The following KLHDC1 variants were observed in gnomAD, a reference collection of about 807,000 sequenced individuals.
KLHDC1 encodes the protein kelch domain containing 1.
KLHDC1 carries 53 observed loss-of-function variants against 68.3 expected under a neutral mutation model. The ratio of observed to expected loss-of-function variants is 0.78; its 90% CI spans 0.62 to 0.98. The LOEUF is 0.98. Among genes scored for constraint, KLHDC1 ranks in the 50% least tolerant of loss-of-function variants. The pLI is 0.00. For missense variants in KLHDC1, 470 were observed against 492.3 expected, an observed-to-expected ratio of 0.95 and a Z score of 0.43; for synonymous variants, 148 against 159.0, an observed-to-expected ratio of 0.93 and a Z score of 0.52.
intron 1 of KLHDC1, among the ~76,000 whole-genome samples, chr14:49,693,880 A>G (rs1887655654): frequency 6.7e-6 from 1 of 149,814 alleles, no homozygotes; most frequent in African/African-American, 2.5e-5. Context: ...CAGCCTCCCT[A>G]GTAGCTGGGC....
intron 1 of KLHDC1, chr14:49,708,501 A>G (rs1004687488): frequency 1.2e-4 from 19 of 152,222 alleles, no homozygotes; most frequent in African/African-American, 4.6e-4. Flanking sequence ...TAAGATTGTT[A>G]TACAAGTCTT....
intron 1 of KLHDC1, among the ~76,000 whole-genome samples, chr14:49,703,902 T>C: frequency 6.7e-6 from 1 of 150,066 alleles, no homozygotes. Context: ...TTTGCTATTG[T>C]AAGCATTCTT....
At chr14:49,742,361 A>G (rs1431552175) in intron 11 of KLHDC1, among the ~76,000 whole-genome samples, 1 of 152,320 alleles carries the variant, frequency 6.6e-6, no homozygotes, top group South Asian at 2.1e-4. Context: ...CCAGATCTTG[A>G]CTTTCAAATT....
intron 1 of KLHDC1, among the ~76,000 whole-genome samples, chr14:49,694,832 C>A (rs1257734561): frequency 6.6e-6 from 1 of 152,134 alleles, no homozygotes; most frequent in East Asian, 1.9e-4. Context: ...CCAGCCTGGG[C>A]GACAGAGCGA....
chr14:49,697,443 T>C (rs1308607641), intron 1 of KLHDC1, among the ~76,000 whole-genome samples: 1 of 152,028 alleles, frequency 6.6e-6, no homozygotes, highest in East Asian at 1.9e-4. Flanking sequence ...ATAACAGATA[T>C]AATAATAATA....
At position 49,728,106 on chromosome 14, in the gene KLHDC1, G is replaced by A. The variant is rs565161331; in HGVS notation, c.568-820G>A. On this transcript the variant is annotated intron_variant, in intron 6 of 12. Coordinates refer to ENST00000359332, the MANE Select transcript of KLHDC1 (RefSeq NM_172193.3). ...GGAGGTTGAGGCAGGCAGATCGCTC[G>A]AGGCCAGGAGGTTTGAGACCAGCCT... Among the ~76,000 whole-genome samples, 69 of 152,162 alleles carry A rather than the reference G, an allele frequency of 4.5e-4. No homozygotes were observed. In the Middle Eastern group the frequency reaches 0.014, roughly 30 times the overall value.
At chr14:49,733,675 C>T (rs867957119) in intron 9 of KLHDC1, among the ~76,000 whole-genome samples, 13 of 152,234 alleles carry the variant, frequency 8.5e-5, no homozygotes, top group South Asian at 8.3e-4. Context: ...CCCGCCTCAG[C>T]CTCCCAAAGT....
At chr14:49,706,198 G>A (rs770885732) in intron 1 of KLHDC1, among the ~76,000 whole-genome samples, 6 of 151,924 alleles carry the variant, frequency 3.9e-5, no homozygotes, top group Non-Finnish European at 5.9e-5. Flanking sequence ...GAGGTCAATT[G>A]TTTTGATTTT....
intron 4 of KLHDC1, among the ~76,000 whole-genome samples, chr14:49,712,898 C>T (rs1325455927): frequency 2.6e-5 from 4 of 151,804 alleles, no homozygotes; most frequent in African/African-American, 4.8e-5. Flanking sequence ...CCTTGGCCTC[C>T]GAAAGTGCTG....
At chr14:49,720,178 G>A (rs893601288) in intron 4 of KLHDC1, among the ~76,000 whole-genome samples, 1 of 152,064 alleles carries the variant, frequency 6.6e-6, no homozygotes, top group Non-Finnish European at 1.5e-5. Context: ...TACAGATGGG[G>A]TTTCTCCATG....
At chr14:49,698,462 A>C (rs1476673080) in intron 1 of KLHDC1, among the ~76,000 whole-genome samples, 2 of 151,526 alleles carry the variant, frequency 1.3e-5, no homozygotes, top group Admixed American at 6.6e-5. Flanking sequence ...TCAGCCTCCC[A>C]AAGTGCTGGG....
chr14:49,725,460 A>G, intron 5 of KLHDC1: 1 of 371,204 alleles, frequency 2.7e-6, no homozygotes, highest in Middle Eastern at 7.6e-4. Context: ...ATTATGATTC[A>G]CTGCAAACAA....
At chr14:49,728,781 A>C in intron 6 of KLHDC1, 145 bp from the exon 7 acceptor site, 1 of 659,868 alleles carries the variant, frequency 1.5e-6, no homozygotes, top group Non-Finnish European at 2.7e-6. Flanking sequence ...TACTATTTAG[A>C]ATAAACTTTT....
At chr14:49,730,222 G>GT (rs11340525) in intron 8 of KLHDC1, among the ~76,000 whole-genome samples, 1,736 of 98,922 alleles carry the variant, frequency 0.018, 52 homozygotes, top group African/African-American at 0.054. Context: ...ATATTTGCAG[G>GT]TTTTTTTTTT....
At chr14:49,698,935 C>T (rs1887821305) in intron 1 of KLHDC1, among the ~76,000 whole-genome samples, 1 of 151,598 alleles carries the variant, frequency 6.6e-6, no homozygotes, top group Non-Finnish European at 1.5e-5. Context: ...GAGGCCGAGG[C>T]GGGTGGATCA....
In KLHDC1 at chr14:49,723,925, C is replaced by T. The variant is rs1299932441; in HGVS notation, c.456C>T (p.Asp152=). 3 of 1,605,046 alleles carry T rather than the reference C, an allele frequency of 1.9e-6. No homozygotes were observed. Among genetic ancestry groups the T allele is most frequent in the African/African-American group, 2.7e-5 (2 of 74,708 alleles). Reference sequence around the variant, plus strand: ...GTAGGAGACACAGTGAACTCCAAGACTGTTTTGATGTTCATGATGCATCTT... The same window carrying T: ...GTAGGAGACACAGTGAACTCCAAGATTGTTTTGATGTTCATGATGCATCTT... ...YGCRRHSELQ[D]CFDVHDASWE... Residue 152 remains aspartate (D), a synonymous_variant, in exon 5 of 13, where the codon GAC becomes GAT. Coordinates refer to ENST00000359332, the MANE Select transcript of KLHDC1 (RefSeq NM_172193.3).
intron 1 of KLHDC1, among the ~76,000 whole-genome samples, chr14:49,703,598 C>T (rs1468078111): frequency 6.6e-6 from 1 of 152,198 alleles, no homozygotes; most frequent in African/African-American, 2.4e-5. Context: ...CCACCTCAGC[C>T]TCCCAAAGTG....
chr14:49,723,865 GT>G lies in KLHDC1; in HGVS notation c.405-4del. The stretch of plus-strand genomic sequence containing the variant: ...TCCTAAAGTGTGTCATTTCGTATTT[GT>G]TTTTCAGACTAATATATTTTGGTGG... On this transcript the variant is annotated splice_region_variant and splice_polypyrimidine_tract_variant and intron_variant, in intron 4 of 12. Coordinates refer to ENST00000359332, the MANE Select transcript of KLHDC1 (RefSeq NM_172193.3). 6.5e-7 allele frequency: 1 copy of G among 1,528,684 alleles called. No individual in the cohort carries two copies. Among genetic ancestry groups the G allele is most frequent in the Non-Finnish European group, 9.0e-7 (1 of 1,114,932 alleles). The allele number at this position is 1,528,684 out of a possible 1,614,324, so 94.7% of individuals were successfully genotyped here.
At chr14:49,710,209 A>G in intron 3 of KLHDC1, 54 bp from the exon 4 acceptor site, 2 of 942,674 alleles carry the variant, frequency 2.1e-6, no homozygotes, top group Non-Finnish European at 3.5e-6. Context: ...TCCCTCTGAT[A>G]TAGATTTAAT....
Sources: gnomAD v4.1 joint callset for allele counts (sites outside exome capture counted in the v4.1 genomes callset) on GRCh38, gnomAD v4.1.1 for gene constraint, MANE v1.5 for transcripts, NCBI Gene and HGNC (gene_info 2026-07-23, HGNC 2026-07-21) for gene names.